PEBP4: variants seen among roughly 807,000 people sequenced by gnomAD.
PEBP4 encodes phosphatidylethanolamine binding protein 4.
In PEBP4, 22 loss-of-function variants were observed where a neutral mutation model predicts 23.9. The observed-to-expected ratio is 0.92, with a 90% CI of 0.66 to 1.31. The LOEUF is 1.31. PEBP4 is among the 40% of genes most tolerant of loss of function. The probability of loss-of-function intolerance (pLI) is 0.00; values close to 1 mark genes in which losing one functional copy is unlikely to be tolerated. For missense variants in PEBP4, 324 were observed against 281.7 expected, an observed-to-expected ratio of 1.15 and a Z score of -1.07; for synonymous variants, 112 against 99.3, an observed-to-expected ratio of 1.13 and a Z score of -0.76.
chr8:22,923,653 G>A (rs1376312994), intron 2 of PEBP4, among the ~76,000 whole-genome samples: 1 of 152,160 alleles, frequency 6.6e-6, no homozygotes, highest in African/African-American at 2.4e-5. Flanking sequence ...GCTATGGTCT[G>A]AGTGTTTGTG....
At chr8:22,870,609 G>A (rs956501800) in intron 3 of PEBP4, among the ~76,000 whole-genome samples, 1 of 152,202 alleles carries the variant, frequency 6.6e-6, no homozygotes, top group Non-Finnish European at 1.5e-5. Context: ...ACATGTCAAT[G>A]TAGGTTCCTC....
At chr8:22,851,306 A>T (rs1185799600) in intron 3 of PEBP4, among the ~76,000 whole-genome samples, 1 of 152,096 alleles carries the variant, frequency 6.6e-6, no homozygotes, top group Non-Finnish European at 1.5e-5. Context: ...CGCACCAGTT[A>T]TTGGGGCACT....
chr8:22,833,281 A>C (rs1299741217), intron 3 of PEBP4, among the ~76,000 whole-genome samples: 1 of 152,266 alleles, frequency 6.6e-6, no homozygotes, highest in Non-Finnish European at 1.5e-5. Context: ...GTTATCCATC[A>C]AGCCTATCTG....
chr8:22,915,105 T>A (rs1198462318), intron 3 of PEBP4, among the ~76,000 whole-genome samples: 1 of 152,058 alleles, frequency 6.6e-6, no homozygotes, highest in African/African-American at 2.4e-5. Context: ...GCTCTATGGG[T>A]TCCACGTCCT....
intron 4 of PEBP4, among the ~76,000 whole-genome samples, chr8:22,817,057 G>A (rs752217973): frequency 2.6e-5 from 4 of 152,214 alleles, no homozygotes; most frequent in Non-Finnish European, 5.9e-5. Flanking sequence ...GACCCTCCCT[G>A]AAGAGGGTGA....
intron 6 of PEBP4, 24 bp from the exon 7 acceptor site, chr8:22,713,560 G>T (rs1389007704): frequency 6.2e-7 from 1 of 1,614,038 alleles, no homozygotes; most frequent in Admixed American, 1.7e-5. Flanking sequence ...CAGACCACAG[G>T]GAGGCAGTGA....
intron 4 of PEBP4, among the ~76,000 whole-genome samples, chr8:22,760,994 A>G (rs1805496238): frequency 6.6e-6 from 1 of 152,196 alleles, no homozygotes; most frequent in East Asian, 1.9e-4. Flanking sequence ...TGACTCTGTC[A>G]TAGTAGCCTG....
At chr8:22,859,090 G>A (rs754043277) in intron 3 of PEBP4, among the ~76,000 whole-genome samples, 1 of 152,224 alleles carries the variant, frequency 6.6e-6, no homozygotes, top group Non-Finnish European at 1.5e-5. Context: ...GGAATTCCAA[G>A]ATGTCATAGA....
intron 3 of PEBP4, among the ~76,000 whole-genome samples, chr8:22,825,453 C>T (rs1806949578): frequency 6.6e-6 from 1 of 152,212 alleles, no homozygotes; most frequent in Non-Finnish European, 1.5e-5. Context: ...CACATGTTTT[C>T]TTGCCTAGGA....
intron 1 of PEBP4, among the ~76,000 whole-genome samples, chr8:22,937,346 A>C (rs1356390190): frequency 6.6e-6 from 1 of 152,238 alleles, no homozygotes; most frequent in Admixed American, 6.5e-5. Flanking sequence ...GTTTATGATT[A>C]CATAAAGCAG....
intron 4 of PEBP4, among the ~76,000 whole-genome samples, chr8:22,778,484 G>A (rs908218860): frequency 7.9e-5 from 12 of 151,860 alleles, no homozygotes; most frequent in East Asian, 1.9e-4. Context: ...TCTTGGGTTC[G>A]AGTGATAACT....
chr8:22,811,860 C>A (rs1339842063), intron 4 of PEBP4, among the ~76,000 whole-genome samples: 4 of 152,188 alleles, frequency 2.6e-5, no homozygotes, highest in Non-Finnish European at 5.9e-5. Context: ...AGAATTTTCA[C>A]TTTGCAAGAC....
At chr8:22,825,762 C>T (rs141624249) in intron 3 of PEBP4, among the ~76,000 whole-genome samples, 8 of 152,250 alleles carry the variant, frequency 5.3e-5, no homozygotes, top group South Asian at 2.1e-4. Context: ...GCACTATTCA[C>T]AATAGCCAGG....
At chr8:22,772,307 C>G (rs1195902651) in intron 4 of PEBP4, among the ~76,000 whole-genome samples, 1 of 152,130 alleles carries the variant, frequency 6.6e-6, no homozygotes, top group Non-Finnish European at 1.5e-5. Context: ...CATGGTGCGT[C>G]AAGACTTTGG....
chr8:22,938,111 T>A (rs900294452), intron 1 of PEBP4, among the ~76,000 whole-genome samples: 6 of 152,004 alleles, frequency 3.9e-5, no homozygotes, highest in Non-Finnish European at 5.9e-5. Flanking sequence ...CTTTTGGGCA[T>A]CAAAGGACAC....
chr8:22,792,374 T>G (rs906663559), intron 4 of PEBP4, among the ~76,000 whole-genome samples: 3 of 152,042 alleles, frequency 2.0e-5, no homozygotes, highest in African/African-American at 7.2e-5. Flanking sequence ...TCCCGGTGCT[T>G]CTAAGGTGGA....
At chr8:22,735,664 C>T (rs1194952616) in intron 4 of PEBP4, among the ~76,000 whole-genome samples, 2 of 152,172 alleles carry the variant, frequency 1.3e-5, no homozygotes, top group South Asian at 4.1e-4. Flanking sequence ...TAACTGTGTC[C>T]CAGGAGGGCC....
At chr8:22,766,702 AAT>A (rs1805621232) in intron 4 of PEBP4, among the ~76,000 whole-genome samples, 4 of 151,994 alleles carry the variant, frequency 2.6e-5, no homozygotes, top group African/African-American at 9.7e-5. Flanking sequence ...CGGTTGGGGG[AAT>A]GGAATCCAAT....
intron 2 of PEBP4, among the ~76,000 whole-genome samples, chr8:22,922,583 AAC>A (rs1336972527): frequency 1.1e-5 from 1 of 93,620 alleles, no homozygotes; most frequent in African/African-American, 3.6e-5. Context: ...AAAACAAACA[AAC>A]AAAAAAAAAA....
Sources: allele counts gnomAD v4.1 joint callset (sites outside exome capture counted in the v4.1 genomes callset), GRCh38; gene constraint gnomAD v4.1.1; transcripts MANE v1.5; gene names NCBI Gene and HGNC (gene_info 2026-07-23, HGNC 2026-07-21).